The following MEIS2 variants were observed in gnomAD, a reference collection of about 807,000 sequenced individuals.
The protein encoded by MEIS2 is Meis homeobox 2, also known as homeobox protein Meis2.
In MEIS2, 9 loss-of-function variants were observed where a neutral mutation model predicts 58.6. That is an observed-to-expected ratio of 0.15 (90% CI 0.09 to 0.27). The LOEUF (loss-of-function observed/expected upper bound fraction) is 0.27, where lower values mean the gene tolerates loss of function less well. MEIS2 is among the 10% of genes least tolerant of loss of function. The probability of loss-of-function intolerance (pLI) is 1.00; values close to 1 mark genes in which losing one functional copy is unlikely to be tolerated. For synonymous variants in MEIS2, 221 were observed against 228.4 expected, an observed-to-expected ratio of 0.97 and a Z score of 0.29; for missense variants, 427 against 635.0, an observed-to-expected ratio of 0.67 and a Z score of 3.52.
intron 8 of MEIS2, among the ~76,000 whole-genome samples, chr15:37,003,731 C>T (rs1173686275): frequency 6.6e-6 from 1 of 152,118 alleles, no homozygotes; most frequent in Non-Finnish European, 1.5e-5. Flanking sequence ...GAAATTCTAA[C>T]CCCCAATGTG....
At chr15:36,973,805 T>TA (rs577546650) in intron 8 of MEIS2, among the ~76,000 whole-genome samples, 354 of 148,718 alleles carry the variant, frequency 2.4e-3, no homozygotes, top group Non-Finnish European at 2.6e-3. Flanking sequence ...TCTTCTTATT[T>TA]AAAAAAAAAA....
chr15:37,030,579 C>T (rs1379263715), intron 8 of MEIS2, among the ~76,000 whole-genome samples: 1 of 151,960 alleles, frequency 6.6e-6, no homozygotes, highest in Non-Finnish European at 1.5e-5. Flanking sequence ...TCAAGCAATC[C>T]ACCCCCCTTG....
At chr15:36,983,936 G>T (rs554361082) in intron 8 of MEIS2, among the ~76,000 whole-genome samples, 110 of 151,156 alleles carry the variant, frequency 7.3e-4, no homozygotes, top group Admixed American at 1.3e-3. Context: ...TTCTTTCTCT[G>T]TTCCTTGTTA....
intron 7 of MEIS2, among the ~76,000 whole-genome samples, chr15:37,058,966 A>G (rs1247439891): frequency 6.6e-6 from 1 of 152,210 alleles, no homozygotes; most frequent in Admixed American, 6.5e-5. Flanking sequence ...AAAAGAAAAG[A>G]CTGTTCTGTA....
At chr15:37,094,635 G>T in intron 4 of MEIS2, 58 bp from the exon 5 acceptor site, 1 of 1,512,076 alleles carries the variant, frequency 6.6e-7, no homozygotes, top group African/African-American at 1.4e-5. Context: ...GTCCTGTCTT[G>T]GGGTTGGGAG....
At chr15:37,062,743 T>C (rs1437440519) in intron 7 of MEIS2, among the ~76,000 whole-genome samples, 1 of 152,238 alleles carries the variant, frequency 6.6e-6, no homozygotes. Flanking sequence ...TTAACCAAAT[T>C]TACCTTCTTC....
chr15:36,979,185 T>C (rs1172770944), intron 8 of MEIS2, among the ~76,000 whole-genome samples: 1 of 152,194 alleles, frequency 6.6e-6, no homozygotes, highest in African/African-American at 2.4e-5. Flanking sequence ...TTTTGTTTTG[T>C]ACATAAAATT....
intron 8 of MEIS2, among the ~76,000 whole-genome samples, chr15:36,995,578 GGCAAA>G (rs1230889791): frequency 2.7e-5 from 4 of 148,512 alleles, no homozygotes; most frequent in Non-Finnish European, 5.9e-5. Flanking sequence ...CTGGATTAAT[GGCAAA>G]GCCATTACGT....
chr15:37,031,021 G>T (rs2061899958), intron 8 of MEIS2, among the ~76,000 whole-genome samples: 2 of 152,270 alleles, frequency 1.3e-5, no homozygotes, highest in South Asian at 4.1e-4. Context: ...GGATGCCCAG[G>T]TCCATTGGTC....
chr15:36,993,152 T>C lies in MEIS2; in HGVS notation c.901-42752A>G, dbSNP rs573339997. Among the ~76,000 whole-genome samples the C allele has an allele frequency of 8.5e-5, 13 of 152,234 alleles. 1 individual carries two copies. In the South Asian group the frequency reaches 2.7e-3, roughly 32 times the overall value. On this transcript the variant is annotated intron_variant, in intron 8 of 11. Coordinates refer to ENST00000561208, the MANE Select transcript of MEIS2 (RefSeq NM_170675.5). ...AGGATGAGCACACCAATAAAATTAT[T>C]AAAAACCAGAGGTAAGTGAATTATT...
intron 3 of MEIS2, 125 bp downstream of exon 3, chr15:37,096,164 G>T: frequency 1.9e-6 from 2 of 1,071,854 alleles, no homozygotes; most frequent in Non-Finnish European, 2.6e-6. Flanking sequence ...GAGGCGTAGA[G>T]AGCGGACTGG....
At chr15:36,995,990 T>TATATATATATGTATATATATATAC (rs2060494817) in intron 8 of MEIS2, among the ~76,000 whole-genome samples, 1 of 51,872 alleles carries the variant, frequency 1.9e-5, no homozygotes, top group Non-Finnish European at 5.5e-5. Context: ...TATATATATA[T>TATATATATATGTATATATATATAC]ATATATATAT....
chr15:37,100,465 T>C lies in MEIS2; in HGVS notation c.-999A>G, dbSNP rs1894966057. On this transcript the variant is annotated 5_prime_UTR_variant, in exon 1 of 12. Coordinates refer to ENST00000561208, the MANE Select transcript of MEIS2 (RefSeq NM_170675.5). ...CGGAAGTCGTGGTGGCCATAGCCCG[T>C]CGTACGGCGGAGACACATCCCGGGA... The C allele has an allele frequency of 6.6e-6, 1 of 152,372 alleles. No individual in the cohort carries two copies. The highest frequency in any genetic ancestry group is 1.5e-5 in the Non-Finnish European group (1 of 68,108). 9.4% of individuals were successfully genotyped at this position (152,372 alleles called of 1,614,324 possible).
intron 7 of MEIS2, among the ~76,000 whole-genome samples, chr15:37,043,378 A>C (rs2062514610): frequency 6.6e-6 from 1 of 152,176 alleles, no homozygotes; most frequent in South Asian, 2.1e-4. Context: ...ATATACACAA[A>C]CATAGGTAGA....
intron 9 of MEIS2, among the ~76,000 whole-genome samples, chr15:36,930,229 G>C (rs987312643): frequency 8.8e-5 from 13 of 147,950 alleles, no homozygotes; most frequent in Non-Finnish European, 1.9e-4. Flanking sequence ...AAGAGAGAGA[G>C]AGAGAAAAAA....
At chr15:36,924,299 G>C (rs575039437) in intron 9 of MEIS2, among the ~76,000 whole-genome samples, 2 of 152,322 alleles carry the variant, frequency 1.3e-5, no homozygotes, top group Admixed American at 1.3e-4. Flanking sequence ...GTCCTGCCCT[G>C]TCAGGCAGAA....
chr15:36,948,456 T>A (rs1198225701), intron 9 of MEIS2, among the ~76,000 whole-genome samples: 1 of 151,938 alleles, frequency 6.6e-6, no homozygotes, highest in East Asian at 1.9e-4. Context: ...CTATAGGTAA[T>A]GGATGATAAG....
chr15:37,032,643 G>GT (rs1170399473), intron 8 of MEIS2, among the ~76,000 whole-genome samples: 4 of 152,168 alleles, frequency 2.6e-5, no homozygotes, highest in Non-Finnish European at 5.9e-5. Flanking sequence ...AGCTTGAGAA[G>GT]TTAGGCAGTG....
At chr15:36,953,145 A>C (rs1374577494) in intron 8 of MEIS2, among the ~76,000 whole-genome samples, 1 of 152,206 alleles carries the variant, frequency 6.6e-6, no homozygotes, top group African/African-American at 2.4e-5. Context: ...GATTGAAAAC[A>C]ATCAGCTTTC....
Sources: allele counts gnomAD v4.1 joint callset (sites outside exome capture counted in the v4.1 genomes callset), GRCh38; gene constraint gnomAD v4.1.1; transcripts MANE v1.5; gene names NCBI Gene and HGNC (gene_info 2026-07-23, HGNC 2026-07-21).